The following SHC3 variants were observed in gnomAD, a reference collection of about 807,000 sequenced individuals.
The protein encoded by SHC3 is SHC adaptor protein 3.
SHC3 carries 15 observed loss-of-function variants against 60.4 expected under a neutral mutation model. The ratio of observed to expected loss-of-function variants is 0.25; its 90% CI spans 0.17 to 0.38. The LOEUF is 0.38. Ranked by LOEUF, SHC3 falls within the 10% of genes least tolerant of loss-of-function variation. The pLI, the probability that SHC3 is intolerant of heterozygous loss-of-function variation, is 1.00. For missense variants in SHC3, 677 were observed against 786.1 expected (o/e 0.86, Z 1.66); for synonymous variants, 294 against 325.9 (o/e 0.90, Z 1.05).
intron 1 of SHC3, among the ~76,000 whole-genome samples, chr9:89,124,783 C>T (rs1252924905): frequency 6.6e-6 from 1 of 151,858 alleles, no homozygotes; most frequent in Non-Finnish European, 1.5e-5. Flanking sequence ...CAGCAAATTA[C>T]CATGGCACAT....
chr9:89,177,392 G>C (rs1289974632), intron 1 of SHC3, among the ~76,000 whole-genome samples: 1 of 152,192 alleles, frequency 6.6e-6, no homozygotes, highest in Non-Finnish European at 1.5e-5. Flanking sequence ...CTGTAAACCA[G>C]AACCTTTCCT....
intron 1 of SHC3, among the ~76,000 whole-genome samples, chr9:89,125,349 T>A (rs928571187): frequency 6.6e-6 from 1 of 152,070 alleles, no homozygotes; most frequent in Non-Finnish European, 1.5e-5. Flanking sequence ...TTGTTTAATG[T>A]TAGTTTTTTT....
intron 1 of SHC3, among the ~76,000 whole-genome samples, chr9:89,122,237 A>G (rs1193279115): frequency 6.6e-6 from 1 of 152,222 alleles, no homozygotes; most frequent in Admixed American, 6.5e-5. Context: ...ATGTCCTCTT[A>G]TCCTATCATG....
intron 1 of SHC3, among the ~76,000 whole-genome samples, chr9:89,160,165 G>T (rs1256027672): frequency 1.3e-5 from 2 of 152,182 alleles, no homozygotes; most frequent in Non-Finnish European, 2.9e-5. Flanking sequence ...TGTAGTGTCA[G>T]GTGTCCCTGA....
chr9:89,056,410 CT>C (rs1429093578), intron 6 of SHC3, among the ~76,000 whole-genome samples: 2 of 152,114 alleles, frequency 1.3e-5, no homozygotes, highest in African/African-American at 4.8e-5. Context: ...CCACACACAG[CT>C]AATTTTTAGT....
At chr9:89,077,196 C>CA (rs1283775447) in intron 3 of SHC3, among the ~76,000 whole-genome samples, 162 of 146,002 alleles carry the variant, frequency 1.1e-3, no homozygotes, top group East Asian at 0.01. Flanking sequence ...AAAAAAAAAA[C>CA]AAAAAAAAAC....
At chr9:89,078,745 G>T (rs1376772009) in intron 2 of SHC3, among the ~76,000 whole-genome samples, 1 of 152,172 alleles carries the variant, frequency 6.6e-6, no homozygotes, top group African/African-American at 2.4e-5. Flanking sequence ...TGCCTGGGAG[G>T]TGGGCAAAGG....
intron 2 of SHC3, among the ~76,000 whole-genome samples, chr9:89,107,440 C>A (rs896837818): frequency 6.6e-6 from 1 of 152,322 alleles, no homozygotes; most frequent in South Asian, 2.1e-4. Context: ...ATTATTCTAG[C>A]TGGTGTTAAA....
At chr9:89,046,073 A>ACCCCCCCCCCCCCCCCCCCCCCCC (rs112478625) in intron 8 of SHC3, among the ~76,000 whole-genome samples, 1 of 104,102 alleles carries the variant, frequency 9.6e-6, no homozygotes, top group Non-Finnish European at 1.9e-5. Context: ...TGTTTTCATT[A>ACCCCCCCCCCCCCCCCCCCCCCCC]CCCCCCCCAC....
chr9:89,025,426 T>A (rs916800962), intron 11 of SHC3, among the ~76,000 whole-genome samples: 1 of 152,098 alleles, frequency 6.6e-6, no homozygotes, highest in Non-Finnish European at 1.5e-5. Flanking sequence ...TCCAGGTCCA[T>A]CCCAAACCTG....
At chr9:89,118,504 G>A (rs947426304) in intron 1 of SHC3, among the ~76,000 whole-genome samples, 11 of 152,066 alleles carry the variant, frequency 7.2e-5, no homozygotes, top group African/African-American at 2.4e-4. Context: ...GTTAGAGACA[G>A]GGTTGGTCAC....
At chr9:89,067,998 G>A (rs892924932) in intron 5 of SHC3, among the ~76,000 whole-genome samples, 4 of 152,152 alleles carry the variant, frequency 2.6e-5, no homozygotes, top group African/African-American at 9.7e-5. Context: ...GGGAAAGGAG[G>A]GAGAATAGAG....
At chr9:89,168,194 G>A (rs565914223) in intron 1 of SHC3, among the ~76,000 whole-genome samples, 7 of 152,336 alleles carry the variant, frequency 4.6e-5, no homozygotes, top group South Asian at 2.1e-4. Context: ...GGTCGGGCAC[G>A]GTGGCTCACG....
chr9:89,109,200 TC>T, intron 2 of SHC3: 1 of 930,020 alleles, frequency 1.1e-6, no homozygotes, highest in Non-Finnish European at 1.3e-6. Context: ...ATTGTTTCCA[TC>T]CCCAAATGAA....
chr9:89,065,680 C>T lies in SHC3; in HGVS notation c.784-100G>A, dbSNP rs1825167371. 4.4e-6 allele frequency: 5 copies of T among 1,141,058 alleles called. No individual in the cohort carries two copies. The South Asian group carries it at 5.2e-5, about 12-fold the overall frequency. The allele number at this position is 1,141,058 out of a possible 1,614,324, so 70.7% of individuals were successfully genotyped here. On this transcript the variant is annotated intron_variant, in intron 5 of 11. Coordinates refer to ENST00000375835, the MANE Select transcript of SHC3 (RefSeq NM_016848.6). ...AACCAGTGAGCTTAGAAGGACTCAA[C>T]CACCAAACAGCTAAAGAATCAAATG...
chr9:89,059,742 CGTGGTGGAGGATGGTGGTGGAGGATG>C (rs1490182124), intron 6 of SHC3, among the ~76,000 whole-genome samples: 2 of 35,010 alleles, frequency 5.7e-5, no homozygotes, highest in African/African-American at 1.4e-4. Flanking sequence ...TGGTGGAGGA[CGTGGTGGAGGATGGTGGTGGAGGATG>C]GTGGTGGAGG....
chr9:89,125,259 G>A (rs988787649), intron 1 of SHC3, among the ~76,000 whole-genome samples: 24 of 152,118 alleles, frequency 1.6e-4, no homozygotes, highest in Non-Finnish European at 2.6e-4. Flanking sequence ...CTGCCTGTAC[G>A]AGACATCTAA....
intron 11 of SHC3, among the ~76,000 whole-genome samples, chr9:89,014,877 C>T (rs1422393078): frequency 6.6e-6 from 1 of 152,148 alleles, no homozygotes; most frequent in African/African-American, 2.4e-5. Flanking sequence ...GAAGTTCATA[C>T]CATCTGCTCA....
intron 1 of SHC3, among the ~76,000 whole-genome samples, chr9:89,144,051 A>T (rs116411018): frequency 0.013 from 1,993 of 152,254 alleles, 45 homozygotes; most frequent in African/African-American, 0.046. Flanking sequence ...ATCTATCCAT[A>T]AAAGGTCTTA....
Sources: gnomAD v4.1 joint callset for allele counts (sites outside exome capture counted in the v4.1 genomes callset) on GRCh38, gnomAD v4.1.1 for gene constraint, MANE v1.5 for transcripts, NCBI Gene and HGNC (gene_info 2026-07-23, HGNC 2026-07-21) for gene names.